Variants in RYR1 observed in about 807,000 individuals in gnomAD.
RYR1 encodes central core disease of muscle.
Under a neutral mutation model 583.5 loss-of-function variants are expected in RYR1, and 342 were observed. The observed-to-expected ratio is 0.59, with a 90% confidence interval of 0.54 to 0.64. The LOEUF (loss-of-function observed/expected upper bound fraction) is 0.64. Among genes scored for constraint, RYR1 ranks in the 30% least tolerant of loss-of-function variants. The pLI, the probability that RYR1 is intolerant of heterozygous loss-of-function variation, is 0.00. For missense variants in RYR1, 6,032 were observed against 6,917.2 expected (o/e 0.87, Z 4.54); for synonymous variants, 2,791 against 2,822.5 (o/e 0.99, Z 0.35).
chr19:38,565,468 G>A lies in RYR1; in HGVS notation c.13134G>A (p.Glu4378=), dbSNP rs1442203858. ...VEGAKKVTVT[E]LLAGMPDPTS... ...GCGCCAAGAAGGTGACGGTGACCGA[G>A]CTCCTGGCAGGCATGCCCGACCCCA... The change falls in exon 91 of 106, where the codon GAG becomes GAA. Residue 4378 remains glutamate (E), a synonymous_variant. Coordinates refer to ENST00000359596, the MANE Select transcript of RYR1 (RefSeq NM_000540.3). The surrounding 1 kb of genome is among the most constrained non-coding windows in gnomAD (Gnocchi z 4.7). The A allele has an allele frequency of 6.7e-7, 1 of 1,503,594 alleles. No individual in the cohort carries two copies. Among genetic ancestry groups the A allele is most frequent in the Non-Finnish European group, 8.8e-7 (1 of 1,133,758 alleles). The allele number at this position is 1,503,594 out of a possible 1,614,324, so 93.1% of individuals were successfully genotyped here.
chr19:38,447,840 TTAA>T (rs1568439931), intron 9 of RYR1, among the ~76,000 whole-genome samples: 1 of 4,102 alleles, frequency 2.4e-4, no homozygotes, highest in Non-Finnish European at 4.9e-4. Flanking sequence ...AGGCCCTGCC[TTAA>T]AAAAAAAAAA....
At chr19:38,440,709 A>G in intron 1 of RYR1, 36 bp from the exon 2 acceptor site, 1 of 1,602,028 alleles carries the variant, frequency 6.2e-7, no homozygotes, top group Non-Finnish European at 8.5e-7. Context: ...TATCCGGGCC[A>G]GGCCCCCCTG....
chr19:38,461,658 C>G (rs373398180), intron 20 of RYR1, among the ~76,000 whole-genome samples: 1 of 141,008 alleles, frequency 7.1e-6, no homozygotes, highest in East Asian at 2.1e-4. Context: ...CCCAGGGATT[C>G]GAGGCTGCAG....
intron 29 of RYR1, among the ~76,000 whole-genome samples, chr19:38,477,485 C>G (rs547172945): frequency 6.6e-6 from 1 of 152,086 alleles, no homozygotes; most frequent in Non-Finnish European, 1.5e-5. Context: ...TGGGAGGAAC[C>G]CAAATATGGC....
rs776839307 is a variant in RYR1, at chr19:38,496,927, G to A, written c.6864G>A (p.Leu2288=). Residue 2288 remains leucine (L), a synonymous_variant, in exon 42 of 106, where the codon TTG becomes TTA. Coordinates refer to ENST00000359596, the MANE Select transcript of RYR1 (RefSeq NM_000540.3). This position sits in a 1 kb window ranked among gnomAD's most constrained non-coding sequence, Gnocchi z 4.8. ...TCATTGACAACAATGAGCTGGCCTT[G>A]GCATTGCAGGAGCAGGACCTGGAAA... The part of the protein sequence containing the change: ...ASVIDNNELA[L]ALQEQDLEKV... The A allele has an allele frequency of 3.7e-6, 6 of 1,613,526 alleles. No homozygotes were observed. Among genetic ancestry groups the A allele is most frequent in the Non-Finnish European group, 5.1e-6 (6 of 1,180,006 alleles).
intron 27 of RYR1, among the ~76,000 whole-genome samples, chr19:38,473,050 C>T (rs1388768757): frequency 6.6e-6 from 1 of 151,538 alleles, no homozygotes; most frequent in Non-Finnish European, 1.5e-5. Flanking sequence ...GTTGAGCTGC[C>T]TGGTTACTGG....
chr19:38,445,916 G>A (rs1457454964), intron 7 of RYR1, among the ~76,000 whole-genome samples: 1 of 152,160 alleles, frequency 6.6e-6, no homozygotes, highest in Non-Finnish European at 1.5e-5. Flanking sequence ...GAATCTGGGA[G>A]GCAGAGGTTG....
Position 38,517,400 on chromosome 19 carries a change from A to G in RYR1, c.9727A>G (p.Ile3243Val), listed in dbSNP as rs534942402. 1.9e-6 allele frequency: 3 copies of G among 1,614,048 alleles called. No individual in the cohort carries two copies. The African/African-American group carries it at 4.0e-5, about 22-fold the overall frequency. The change falls in exon 66 of 106, where the codon ATC becomes GTC. Residue 3243 changes from isoleucine to valine, a missense_variant. This residue lies in a region of RYR1 where 1,493 missense variants were observed against 1,715.5 expected (regional missense o/e 0.87). Transcript: ENST00000359596. ...CAGTGTGGAGGAGATGTGTCCCGAC[A>G]TCCCGGTGCTGGAGCGGCTCATGGC... ...PNSVEEMCPD[I>V]PVLERLMADI...
chr19:38,566,448 C>CA (rs71165563), intron 91 of RYR1, among the ~76,000 whole-genome samples: 4,537 of 50,868 alleles, frequency 0.089, 370 homozygotes, highest in African/African-American at 0.094. Flanking sequence ...GACTCTGTCT[C>CA]AAAAAAAAAA....
rs1371752867 is a variant in RYR1, at chr19:38,512,048, C to T, written c.9173-24C>T. On this transcript the variant is annotated intron_variant, in intron 61 of 105. Transcript: ENST00000359596. The surrounding 1 kb of genome is among the most constrained non-coding windows in gnomAD (Gnocchi z 5.1). ...CTCTGTCCTCTTAGCCATGGCATCC[C>T]CCCGGCCCATCTTCCTCTCCCAGGG... 6.2e-7 allele frequency: 1 copy of T among 1,612,078 alleles called. No homozygotes were observed. Among genetic ancestry groups the T allele is most frequent in the Non-Finnish European group, 8.5e-7 (1 of 1,179,168 alleles).
intron 58 of RYR1, among the ~76,000 whole-genome samples, chr19:38,508,757 G>A (rs1384176469): frequency 6.6e-6 from 1 of 152,130 alleles, no homozygotes; most frequent in South Asian, 2.1e-4. Flanking sequence ...GAGGTGACTG[G>A]GGCAGATCAT....
chr19:38,551,094 C>G (rs1369984623), intron 89 of RYR1, among the ~76,000 whole-genome samples: 4 of 111,488 alleles, frequency 3.6e-5, no homozygotes, highest in African/African-American at 1.0e-4. Context: ...GTTGCCCAGG[C>G]TGGAGTGCAA....
chr19:38,460,353 C>G, intron 19 of RYR1, 22 bp from the exon 20 acceptor site: 1 of 1,607,976 alleles, frequency 6.2e-7, no homozygotes. Context: ...CTCAATGATC[C>G]CCATTGTCCT....
chr19:38,452,015 G>GC, intron 12 of RYR1, 130 bp downstream of exon 12: 1 of 1,301,844 alleles, frequency 7.7e-7, no homozygotes, highest in African/African-American at 1.5e-5. Flanking sequence ...TGGGCCAAGC[G>GC]CAGTGGCTCA....
At chr19:38,550,738 G>A (rs1972629076) in intron 89 of RYR1, among the ~76,000 whole-genome samples, 1 of 152,098 alleles carries the variant, frequency 6.6e-6, no homozygotes, top group South Asian at 2.1e-4. Context: ...TTCACCAGGG[G>A]CTCCACAATG....
chr19:38,524,068 C>G, intron 70 of RYR1, 139 bp downstream of exon 70: 1 of 832,968 alleles, frequency 1.2e-6, no homozygotes, highest in Non-Finnish European at 1.9e-6. Context: ...CACCCATCCT[C>G]CTTCCCTTCC....
chr19:38,475,369 C>A lies in RYR1; in HGVS notation c.4212C>A (p.Thr1404=), dbSNP rs1420538712. 1 of 1,612,786 alleles carries A rather than the reference C, an allele frequency of 6.2e-7. No homozygotes were observed. The highest frequency in any genetic ancestry group is 8.5e-7 in the Non-Finnish European group (1 of 1,179,482). Residue 1404 remains threonine (T), a synonymous_variant, in exon 29 of 106, where the codon ACC becomes ACA. Transcript: ENST00000359596. The stretch of plus-strand genomic sequence containing the variant: ...CCATGATGACCCAGCCACCGGCCAC[C>A]CCCACGCTGCCCCGACTCCCTCACG... The part of the protein sequence containing the change: ...KVAMMTQPPA[T]PTLPRLPHDV...
chr19:38,506,226 TGGGGCCTGGGG>T, intron 54 of RYR1, 66 bp from the exon 55 acceptor site: 1 of 1,193,466 alleles, frequency 8.4e-7, no homozygotes. Context: ...AATGGACTAG[TGGGGCCTGGGG>T]AGGGGCTGGC....
intron 89 of RYR1, among the ~76,000 whole-genome samples, chr19:38,549,659 TATTTACTATTTACTCCATCATG>T (rs989280778): frequency 2.6e-5 from 4 of 151,738 alleles, no homozygotes; most frequent in African/African-American, 7.3e-5. Context: ...AAATGTTTTC[TATTTACTATTTACTCCATCATG>T]ATTTCCCTTT....
Sources: gnomAD v4.1 joint callset for allele counts (sites outside exome capture counted in the v4.1 genomes callset) on GRCh38, gnomAD v4.1.1 for gene constraint, gnomAD v4.1.1 regional missense constraint, Gnocchi (gnomAD v3.1) non-coding constraint, MANE v1.5 for transcripts, NCBI Gene and HGNC (gene_info 2026-07-23, HGNC 2026-07-21) for gene names.